NTRK3: variants seen among roughly 807,000 people sequenced by gnomAD.
The protein encoded by NTRK3 is neurotrophic receptor tyrosine kinase 3, also known as NT-3 growth factor receptor.
NTRK3 carries 24 observed loss-of-function variants against 91.7 expected under a neutral mutation model. The observed-to-expected ratio is 0.26, with a 90% CI of 0.19 to 0.37. The LOEUF is 0.37. Among genes scored for constraint, NTRK3 ranks in the 10% least tolerant of loss-of-function variants. The probability of loss-of-function intolerance (pLI) is 1.00; values close to 1 mark genes in which losing one functional copy is unlikely to be tolerated. For synonymous variants in NTRK3, 483 were observed against 404.0 expected (o/e 1.20, Z -2.34); for missense variants, 880 against 1,068.9 (o/e 0.82, Z 2.46).
At chr15:88,100,583 CAGA>C (rs1279044569) in intron 13 of NTRK3, among the ~76,000 whole-genome samples, 1 of 152,154 alleles carries the variant, frequency 6.6e-6, no homozygotes, top group Non-Finnish European at 1.5e-5. Context: ...CAGGATGTCA[CAGA>C]AGAAGGGCAT....
At chr15:87,976,712 T>C (rs1328438174) in intron 14 of NTRK3, among the ~76,000 whole-genome samples, 1 of 152,190 alleles carries the variant, frequency 6.6e-6, no homozygotes, top group Non-Finnish European at 1.5e-5. Context: ...GCAGCCCACA[T>C]GAAACTTGCC....
intron 13 of NTRK3, among the ~76,000 whole-genome samples, chr15:88,087,069 CCT>C (rs1374262663): frequency 6.6e-6 from 1 of 152,220 alleles, no homozygotes; most frequent in African/African-American, 2.4e-5. Flanking sequence ...ACACACACAA[CCT>C]AAAATCATTT....
intron 5 of NTRK3, among the ~76,000 whole-genome samples, chr15:88,152,507 A>G (rs1230134698): frequency 1.3e-5 from 2 of 152,182 alleles, no homozygotes; most frequent in Non-Finnish European, 1.5e-5. Flanking sequence ...GAAAATGGCC[A>G]TCTACAAGTC....
chr15:88,033,939 TC>T (rs992205313), intron 13 of NTRK3, among the ~76,000 whole-genome samples: 1 of 152,170 alleles, frequency 6.6e-6, no homozygotes, highest in Non-Finnish European at 1.5e-5. Context: ...CTGGATTTCA[TC>T]CCCAGAGGTT....
Position 88,027,700 on chromosome 15 carries a change from G to C in NTRK3, c.1585+5157C>G, listed in dbSNP as rs566372221. ...CCTGGCCCCTCTCTGAGTTTCTAGA[G>C]AGCCTGGGCGTGGAGTCATCTGACA... On this transcript the variant is annotated intron_variant, in intron 14 of 18. Coordinates refer to ENST00000394480, the Ensembl canonical transcript of NTRK3. Among the ~76,000 whole-genome samples, 12 of 152,250 alleles carry C rather than the reference G, an allele frequency of 7.9e-5. No homozygotes were observed. The South Asian group carries it at 1.0e-3, about 13-fold the overall frequency.
intron 5 of NTRK3, among the ~76,000 whole-genome samples, chr15:88,166,603 C>CA (rs2044982255): frequency 6.6e-6 from 1 of 151,984 alleles, no homozygotes; most frequent in Non-Finnish European, 1.5e-5. Flanking sequence ...GTTGAGTAAG[C>CA]AAAAATGGTA....
chr15:88,056,407 G>A (rs1196500978), intron 13 of NTRK3, among the ~76,000 whole-genome samples: 5 of 151,764 alleles, frequency 3.3e-5, no homozygotes, highest in Admixed American at 3.3e-4. Context: ...TTTGTTCATG[G>A]TCCAAATGTA....
At chr15:88,079,054 G>A (rs1006475741) in intron 13 of NTRK3, among the ~76,000 whole-genome samples, 1 of 152,196 alleles carries the variant, frequency 6.6e-6, no homozygotes, top group African/African-American at 2.4e-5. Flanking sequence ...GTGAACAGGT[G>A]AACATGGGGA....
At chr15:88,084,086 C>CTT (rs764435924) in intron 13 of NTRK3, among the ~76,000 whole-genome samples, 27 of 135,860 alleles carry the variant, frequency 2.0e-4, no homozygotes, top group African/African-American at 4.3e-4. Context: ...GTCCAAGTGC[C>CTT]TTTTTTTTTT....
At chr15:87,961,914 G>T (rs1448912344) in intron 14 of NTRK3, among the ~76,000 whole-genome samples, 1 of 152,238 alleles carries the variant, frequency 6.6e-6, no homozygotes, top group South Asian at 2.1e-4. Context: ...GCTTCCAGGA[G>T]CATACCAGAG....
chr15:87,958,686 T>C (rs929689214), intron 14 of NTRK3, among the ~76,000 whole-genome samples: 1 of 151,916 alleles, frequency 6.6e-6, no homozygotes, highest in Non-Finnish European at 1.5e-5. Flanking sequence ...ACATCTGCAA[T>C]AGACCCTCTG....
chr15:88,183,958 C>T (rs764627945), intron 4 of NTRK3, among the ~76,000 whole-genome samples: 3 of 152,148 alleles, frequency 2.0e-5, no homozygotes, highest in Non-Finnish European at 4.4e-5. Flanking sequence ...GGGTTCTAGG[C>T]CTGCCTTGAA....
chr15:87,876,979 C>A (rs764757272), exon 19 of NTRK3: 3 of 1,613,946 alleles, frequency 1.9e-6, no homozygotes, highest in Non-Finnish European at 2.5e-6. Flanking sequence ...TTCCCCAAAG[C>A]ATGGAGGATT....
intron 5 of NTRK3, among the ~76,000 whole-genome samples, chr15:88,180,420 T>A (rs2046351079): frequency 6.6e-6 from 1 of 152,194 alleles, no homozygotes; most frequent in Non-Finnish European, 1.5e-5. Context: ...GGTCAGTCAC[T>A]CATAAACCAT....
chr15:88,164,863 CTT>C (rs916163647), intron 5 of NTRK3, among the ~76,000 whole-genome samples: 10 of 152,342 alleles, frequency 6.6e-5, no homozygotes, highest in Admixed American at 2.0e-4. Context: ...TTTGGCCTCT[CTT>C]GTCCAATTCT....
Position 88,243,766 on chromosome 15 carries a change from A to G in NTRK3, c.248+12140T>C, listed in dbSNP as rs945700533. On this transcript the variant is annotated intron_variant, in intron 3 of 18. Coordinates refer to ENST00000394480, the Ensembl canonical transcript of NTRK3. The surrounding 1 kb of genome is among the most constrained non-coding windows in gnomAD (Gnocchi z 4.8). ...AAAAAGAGTGGTGCCCCAGGAAAAC[A>G]CCAGAAAGGCTCTGGTTTTTAGGTG... is the stretch of plus-strand genomic sequence containing the variant. Among the ~76,000 whole-genome samples the G allele has an allele frequency of 5.3e-5, 8 of 152,184 alleles. No individual in the cohort carries two copies. Among genetic ancestry groups the G allele is most frequent in the African/African-American group, 9.7e-5 (4 of 41,434 alleles).
rs141219748 is a variant in NTRK3 at position 88,076,704 on chromosome 15, G to C, written c.1397-43659C>G. ...AAAAAAAAAAAAAGCACTTAAAGCTGTGACGAATGCAATGAAGGAAAAGTA... is the reference window on the plus strand; with the variant it reads ...AAAAAAAAAAAAAGCACTTAAAGCTCTGACGAATGCAATGAAGGAAAAGTA... On this transcript the variant is annotated intron_variant, in intron 13 of 18. Coordinates refer to ENST00000394480, the Ensembl canonical transcript of NTRK3. 1.6e-4 allele frequency among the ~76,000 whole-genome samples: 24 copies of C among 147,734 alleles called. No homozygotes were observed. In the East Asian group the frequency reaches 4.4e-3, roughly 27 times the overall value.
intron 14 of NTRK3, among the ~76,000 whole-genome samples, chr15:87,994,961 A>G (rs909638120): frequency 1.3e-5 from 2 of 152,242 alleles, no homozygotes; most frequent in Admixed American, 6.5e-5. Flanking sequence ...GTCAATAGAT[A>G]TAGACATGGA....
chr15:87,868,992 G>T lies in NTRK3; in HGVS notation c.*7943C>A, dbSNP rs150266155. ...AGAGGATTGCAGAGCCCAGAGCAGGGCTCAATGACTTAGGACACACTAATT... is the reference window on the plus strand; with the variant it reads ...AGAGGATTGCAGAGCCCAGAGCAGGTCTCAATGACTTAGGACACACTAATT... On this transcript the variant is annotated 3_prime_UTR_variant, in exon 19 of 19. Transcript: ENST00000394480. 4.4e-4 allele frequency: 101 copies of T among 228,558 alleles called. 1 individual carries two copies. The highest frequency in any genetic ancestry group is 2.2e-3 in the African/African-American group (98 of 45,210). The allele number at this position is 228,558 out of a possible 1,614,324, so 14.2% of individuals were successfully genotyped here. A position where few individuals can be genotyped will look rare whatever the true frequency, so the allele number is the denominator to read the frequency against.
Sources: allele counts gnomAD v4.1 joint callset (sites outside exome capture counted in the v4.1 genomes callset), GRCh38; gene constraint gnomAD v4.1.1; non-coding constraint Gnocchi (gnomAD v3.1); transcripts MANE v1.5; gene names NCBI Gene and HGNC (gene_info 2026-07-23, HGNC 2026-07-21).